THEMIS: variants seen among roughly 807,000 people sequenced by gnomAD.
THEMIS encodes thymocyte selection associated, also known as protein THEMIS.
In THEMIS, 37 loss-of-function variants were observed where a neutral mutation model predicts 52.6. The observed-to-expected ratio is 0.70, with a 90% CI of 0.54 to 0.93. The LOEUF is 0.93. THEMIS is among the 40% of genes least tolerant of loss of function. THEMIS has a pLI of 0.00. For missense variants in THEMIS, 808 were observed against 763.1 expected (o/e 1.06, Z -0.69); for synonymous variants, 292 against 272.7 (o/e 1.07, Z -0.70).
chr6:127,873,166 A>G (rs2114391885), intron 1 of THEMIS, among the ~76,000 whole-genome samples: 1 of 152,342 alleles, frequency 6.6e-6, no homozygotes, highest in African/African-American at 2.4e-5. Context: ...ATGGAAAGAC[A>G]TACTGTTTTC....
At chr6:127,793,369 G>C (rs762959631) in intron 4 of THEMIS, among the ~76,000 whole-genome samples, 1 of 152,192 alleles carries the variant, frequency 6.6e-6, no homozygotes, top group African/African-American at 2.4e-5. Context: ...AGTAAATCAG[G>C]TTTTGGAAGT....
At chr6:127,836,203 C>T (rs1394808160) in intron 2 of THEMIS, among the ~76,000 whole-genome samples, 1 of 152,028 alleles carries the variant, frequency 6.6e-6, no homozygotes, top group African/African-American at 2.4e-5. Flanking sequence ...AGTTTGGGAG[C>T]CATGTGGAGC....
rs71028110 is a variant in THEMIS at position 127,862,428 on chromosome 6, A to ATTTTTTT, written c.92-7247_92-7241dup. On this transcript the variant is annotated intron_variant, in intron 1 of 5. Transcript: ENST00000368248. ...GCAGGTGAAATCTCCTAGGGAGTAAATTTTTTTTTTTTTTTTTTTTTTGCT... is the reference window on the plus strand; with the variant it reads ...GCAGGTGAAATCTCCTAGGGAGTAAATTTTTTTTTTTTTTTTTTTTTTTTTTTTTGCT... 3.0e-3 allele frequency among the ~76,000 whole-genome samples: 215 copies of ATTTTTTT among 72,766 alleles called. 13 individuals carry two copies. Among genetic ancestry groups the ATTTTTTT allele is most frequent in the African/African-American group, 8.4e-3 (176 of 21,056 alleles). 47.7% of individuals were successfully genotyped at this position (72,766 alleles called of 152,430 possible).
At chr6:127,875,920 G>T (rs961096581) in intron 1 of THEMIS, among the ~76,000 whole-genome samples, 1 of 152,204 alleles carries the variant, frequency 6.6e-6, no homozygotes, top group Non-Finnish European at 1.5e-5. Context: ...AATGAGGTCA[G>T]TCTGGATGTC....
intron 4 of THEMIS, among the ~76,000 whole-genome samples, chr6:127,741,659 C>T (rs900244783): frequency 6.6e-6 from 1 of 152,200 alleles, no homozygotes; most frequent in Admixed American, 6.5e-5. Context: ...GTTACACTGC[C>T]TTTCAGTAAA....
chr6:127,910,916 AGCTGT>A (rs1284463251), intron 1 of THEMIS, among the ~76,000 whole-genome samples: 2 of 152,002 alleles, frequency 1.3e-5, no homozygotes, highest in Non-Finnish European at 2.9e-5. Context: ...GGCTCCTGGG[AGCTGT>A]GGTAGTTTCT....
rs71028110 is a variant in THEMIS, at chr6:127,862,428, A to ATTTTTTTTTTTTTTTTTTTTTTTTT, written c.92-7241_92-7240insAAAAAAAAAAAAAAAAAAAAAAAAA. 5.9e-4 allele frequency among the ~76,000 whole-genome samples: 43 copies of ATTTTTTTTTTTTTTTTTTTTTTTTT among 72,784 alleles called. 5 individuals are homozygous for ATTTTTTTTTTTTTTTTTTTTTTTTT. The highest frequency in any genetic ancestry group is 7.3e-4 in the Non-Finnish European group (26 of 35,416). The allele number at this position is 72,784 out of a possible 152,430, so 47.7% of individuals were successfully genotyped here. A position where few individuals can be genotyped will look rare whatever the true frequency, so the allele number is the denominator to read the frequency against. ...GCAGGTGAAATCTCCTAGGGAGTAA[A>ATTTTTTTTTTTTTTTTTTTTTTTTT]TTTTTTTTTTTTTTTTTTTTTTGCT... On this transcript the variant is annotated intron_variant, in intron 1 of 5. Transcript: ENST00000368248.
rs142123167 is a variant in THEMIS, at chr6:127,819,118, T to TAAAAAAAAAAAA, written c.710-5199_710-5188dup. ...CTGGGTGAAAGAGTGAGACTCTGTC[T>TAAAAAAAAAAAA]AAAAAAAAAAAAAAAAAAAAAAAAA... On this transcript the variant is annotated intron_variant, in intron 3 of 5. Coordinates refer to ENST00000368248, the MANE Select transcript of THEMIS (RefSeq NM_001010923.3). 3.6e-4 allele frequency among the ~76,000 whole-genome samples: 7 copies of TAAAAAAAAAAAA among 19,480 alleles called. 1 individual carries two copies. Among genetic ancestry groups the TAAAAAAAAAAAA allele is most frequent in the African/African-American group, 1.2e-3 (6 of 5,008 alleles). 12.8% of individuals were successfully genotyped at this position (19,480 alleles called of 152,430 possible). A position where few individuals can be genotyped will look rare whatever the true frequency, so the allele number is the denominator to read the frequency against.
At chr6:127,885,716 A>C (rs1268436072) in intron 1 of THEMIS, among the ~76,000 whole-genome samples, 1 of 151,778 alleles carries the variant, frequency 6.6e-6, no homozygotes, top group Non-Finnish European at 1.5e-5. Flanking sequence ...CTTAACTCTG[A>C]AGAAGGGAAT....
intron 4 of THEMIS, among the ~76,000 whole-genome samples, chr6:127,798,948 T>C (rs938454242): frequency 1.4e-5 from 2 of 140,806 alleles, no homozygotes; most frequent in African/African-American, 5.4e-5. Context: ...GCTGAGATTG[T>C]GCCACTGCAG....
chr6:127,895,921 A>G (rs1203613932), intron 1 of THEMIS, among the ~76,000 whole-genome samples: 2 of 151,418 alleles, frequency 1.3e-5, no homozygotes, highest in Non-Finnish European at 3.0e-5. Flanking sequence ...AATAAAAACT[A>G]TAAGCCAATA....
chr6:127,772,850 C>G (rs537723002), intron 4 of THEMIS, among the ~76,000 whole-genome samples: 2 of 152,028 alleles, frequency 1.3e-5, no homozygotes, highest in Non-Finnish European at 2.9e-5. Flanking sequence ...ATTTTGAGGG[C>G]GTTTGGGGGC....
At chr6:127,873,648 C>A (rs1780223189) in intron 1 of THEMIS, among the ~76,000 whole-genome samples, 1 of 152,132 alleles carries the variant, frequency 6.6e-6, no homozygotes, top group African/African-American at 2.4e-5. Context: ...GGGTTAAGGG[C>A]ACTGGCCTTG....
At chr6:127,725,426 C>A (rs1009743276) in intron 4 of THEMIS, among the ~76,000 whole-genome samples, 6 of 151,268 alleles carry the variant, frequency 4.0e-5, no homozygotes, top group African/African-American at 1.2e-4. Flanking sequence ...TAATCTGTCT[C>A]CTACTGTGTG....
At chr6:127,706,826 C>T (rs1255099304), downstream of THEMIS, among the ~76,000 whole-genome samples, 2 of 151,954 alleles carry the variant, frequency 1.3e-5, no homozygotes, top group Non-Finnish European at 2.9e-5. Context: ...AAAAGTGTTC[C>T]AGGCAGGGAG....
intron 2 of THEMIS, among the ~76,000 whole-genome samples, chr6:127,852,384 A>G (rs1779458528): frequency 6.6e-6 from 1 of 151,538 alleles, no homozygotes; most frequent in African/African-American, 2.4e-5. Flanking sequence ...ACATAAACCA[A>G]CAGACATCTG....
chr6:127,699,147 T>C, the THEMIS span, among the ~76,000 whole-genome samples: 7 of 151,848 alleles, frequency 4.6e-5, no homozygotes, highest in Admixed American at 4.6e-4. Flanking sequence ...AAGGTCTCCC[T>C]CCCCAAGTCT....
chr6:127,861,952 T>C lies in THEMIS; in HGVS notation c.92-6764A>G, dbSNP rs188449647. Among the ~76,000 whole-genome samples, 3 of 152,216 alleles carry C rather than the reference T, an allele frequency of 2.0e-5. No individual in the cohort carries two copies. The East Asian group carries it at 5.8e-4, about 29-fold the overall frequency. The stretch of plus-strand genomic sequence containing the variant: ...TTTTATTTTTATAACTCATTTTTAT[T>C]GTATTTTATCAAAGTACTAATTCAT... On this transcript the variant is annotated intron_variant, in intron 1 of 5. Transcript: ENST00000368248.
At chr6:127,805,556 T>C (rs1777673859) in intron 4 of THEMIS, among the ~76,000 whole-genome samples, 1 of 152,076 alleles carries the variant, frequency 6.6e-6, no homozygotes, top group African/African-American at 2.4e-5. Flanking sequence ...CTTCTTACGT[T>C]TTTTACTTTT....
Sources: allele counts gnomAD v4.1 joint callset (sites outside exome capture counted in the v4.1 genomes callset), GRCh38; gene constraint gnomAD v4.1.1; transcripts MANE v1.5; gene names NCBI Gene and HGNC (gene_info 2026-07-23, HGNC 2026-07-21).